PTPRD: variants seen among roughly 807,000 people sequenced by gnomAD.
The protein encoded by PTPRD is receptor-type tyrosine-protein phosphatase delta.
PTPRD carries 34 observed loss-of-function variants against 214.5 expected under a neutral mutation model. The ratio of observed to expected loss-of-function variants is 0.16; its 90% confidence interval spans 0.12 to 0.21. The LOEUF (loss-of-function observed/expected upper bound fraction) is 0.21, where lower values mean the gene tolerates loss of function less well. PTPRD is among the 10% of genes least tolerant of loss of function. The pLI, the probability that PTPRD is intolerant of heterozygous loss-of-function variation, is 1.00. For synonymous variants in PTPRD, 1,128 were observed against 845.7 expected, an observed-to-expected ratio of 1.33 and a Z score of -5.79; for missense variants, 2,545 against 2,398.7, an observed-to-expected ratio of 1.06 and a Z score of -1.27.
chr9:9,017,434 G>A (rs969720145), intron 11 of PTPRD, among the ~76,000 whole-genome samples: 3 of 152,046 alleles, frequency 2.0e-5, no homozygotes, highest in Non-Finnish European at 4.4e-5. Flanking sequence ...GTAATTCTAG[G>A]GCTTTGTGTC....
chr9:8,783,268 G>A lies in PTPRD; in HGVS notation c.-103-49322C>T, dbSNP rs574333047. Among the ~76,000 whole-genome samples, 9 of 152,274 alleles carry A rather than the reference G, an allele frequency of 5.9e-5. No individual in the cohort carries two copies. The South Asian group carries it at 1.9e-3, about 32-fold the overall frequency. On this transcript the variant is annotated intron_variant, in intron 11 of 45. Transcript: ENST00000381196. ...TGACATTCACAAGTGAATGAATAAT[G>A]ACATAAATAGAGCACAATGTTGGAG... is the stretch of plus-strand genomic sequence containing the variant.
intron 4 of PTPRD, among the ~76,000 whole-genome samples, chr9:9,993,709 A>C (rs1403238631): frequency 2.0e-5 from 3 of 152,196 alleles, no homozygotes; most frequent in Non-Finnish European, 4.4e-5. Flanking sequence ...TCCTTGACTG[A>C]AATACTAATT....
intron 7 of PTPRD, among the ~76,000 whole-genome samples, chr9:9,614,147 T>C (rs1398712602): frequency 6.6e-6 from 1 of 151,538 alleles, no homozygotes; most frequent in East Asian, 1.9e-4. Context: ...ATATTTATAA[T>C]TATAGATAAA....
At chr9:9,397,771 A>G (rs2068470568) in intron 8 of PTPRD, among the ~76,000 whole-genome samples, 1 of 151,964 alleles carries the variant, frequency 6.6e-6, no homozygotes, top group Non-Finnish European at 1.5e-5. Flanking sequence ...ATATGTTTAA[A>G]AGGCAGGCAA....
chr9:9,933,199 A>G (rs962854854), intron 5 of PTPRD, among the ~76,000 whole-genome samples: 37 of 152,254 alleles, frequency 2.4e-4, no homozygotes, highest in Non-Finnish European at 5.1e-4. Flanking sequence ...CTAACATCAT[A>G]ATGACAGGAT....
At chr9:8,487,850 C>A (rs993252935) in intron 27 of PTPRD, among the ~76,000 whole-genome samples, 1 of 151,386 alleles carries the variant, frequency 6.6e-6, no homozygotes, top group African/African-American at 2.4e-5. Context: ...AGCTTGGCAA[C>A]ATAGCAAGAC....
intron 9 of PTPRD, among the ~76,000 whole-genome samples, chr9:9,391,596 ATGTG>A (rs936747803): frequency 9.2e-5 from 14 of 152,310 alleles, no homozygotes; most frequent in African/African-American, 3.4e-4. Flanking sequence ...AATTCTGTAC[ATGTG>A]AGTCCTCATT....
At chr9:9,175,765 C>T (rs918125100) in intron 10 of PTPRD, among the ~76,000 whole-genome samples, 8 of 152,024 alleles carry the variant, frequency 5.3e-5, no homozygotes, top group Non-Finnish European at 8.8e-5. Flanking sequence ...GCCCAAGTAC[C>T]TCTCCCCATG....
intron 5 of PTPRD, among the ~76,000 whole-genome samples, chr9:9,778,982 A>G (rs1011146855): frequency 2.7e-5 from 4 of 149,504 alleles, no homozygotes; most frequent in Non-Finnish European, 5.9e-5. Flanking sequence ...CCAAAATAGC[A>G]TGATACTGGT....
At chr9:9,643,257 T>C (rs918029652) in intron 7 of PTPRD, among the ~76,000 whole-genome samples, 13 of 152,264 alleles carry the variant, frequency 8.5e-5, no homozygotes, top group Non-Finnish European at 4.4e-5. Flanking sequence ...ACAATGAGGC[T>C]TCTAATAGAA....
rs563897711 is a variant in PTPRD at position 10,559,923 on chromosome 9, G to A, written c.-600+52475C>T. On this transcript the variant is annotated intron_variant, in intron 2 of 45. Transcript: ENST00000381196. ...GTCAGGAAACAACAGGTGCTGGAGA[G>A]GATATGGAGAAATAGGAACACTTTT... Among the ~76,000 whole-genome samples the A allele has an allele frequency of 5.9e-4, 90 of 152,202 alleles. 2 individuals carry two copies. In the East Asian group the frequency reaches 0.017, roughly 29 times the overall value.
intron 9 of PTPRD, among the ~76,000 whole-genome samples, chr9:9,202,913 C>T (rs958401100): frequency 6.6e-6 from 1 of 152,134 alleles, no homozygotes; most frequent in South Asian, 2.1e-4. Context: ...TGTCTTTAGA[C>T]ATGTTCTCTT....
intron 10 of PTPRD, among the ~76,000 whole-genome samples, chr9:9,115,360 C>T (rs1179362201): frequency 2.0e-5 from 3 of 151,794 alleles, no homozygotes; most frequent in Admixed American, 6.6e-5. Flanking sequence ...AACAAATGGC[C>T]GACAAACATA....
chr9:10,274,279 AC>A (rs1441362773), intron 3 of PTPRD, among the ~76,000 whole-genome samples: 8 of 152,252 alleles, frequency 5.3e-5, no homozygotes, highest in Non-Finnish European at 1.0e-4. Flanking sequence ...AGAAATGAAA[AC>A]AGATTGACTT....
At chr9:8,516,681 T>A (rs1450480419) in intron 21 of PTPRD, among the ~76,000 whole-genome samples, 1 of 152,056 alleles carries the variant, frequency 6.6e-6, no homozygotes, top group African/African-American at 2.4e-5. Flanking sequence ...GATTATTATG[T>A]AGATTTCAAA....
chr9:10,468,513 G>C (rs1332608717), intron 2 of PTPRD, among the ~76,000 whole-genome samples: 1 of 152,170 alleles, frequency 6.6e-6, no homozygotes, highest in Non-Finnish European at 1.5e-5. Context: ...TAGGGGGCCA[G>C]GGGAGGGATA....
At chr9:8,633,679 G>T (rs981717251) in intron 13 of PTPRD, among the ~76,000 whole-genome samples, 20 of 152,010 alleles carry the variant, frequency 1.3e-4, no homozygotes, top group African/African-American at 4.6e-4. Flanking sequence ...AAAACATGGA[G>T]ATTTCTAGTC....
intron 14 of PTPRD, among the ~76,000 whole-genome samples, chr9:8,571,817 GC>G (rs1489248616): frequency 6.6e-6 from 1 of 152,006 alleles, no homozygotes; most frequent in Non-Finnish European, 1.5e-5. Flanking sequence ...TGCGGAAATT[GC>G]CCATTATCTC....
chr9:9,331,076 C>A (rs1045942171), intron 9 of PTPRD, among the ~76,000 whole-genome samples: 2 of 151,960 alleles, frequency 1.3e-5, no homozygotes, highest in African/African-American at 4.8e-5. Flanking sequence ...TGAAGACCTG[C>A]AGTTGGGCTG....
Sources: gnomAD v4.1 joint callset for allele counts (sites outside exome capture counted in the v4.1 genomes callset) on GRCh38, gnomAD v4.1.1 for gene constraint, MANE v1.5 for transcripts, NCBI Gene and HGNC (gene_info 2026-07-23, HGNC 2026-07-21) for gene names.